FANCL: variants seen among roughly 807,000 people sequenced by gnomAD.
The protein encoded by FANCL is FA complementation group L.
Under a neutral mutation model 59.4 loss-of-function variants are expected in FANCL, and 69 were observed. The ratio of observed to expected loss-of-function variants is 1.16; its 90% CI spans 0.96 to 1.42. FANCL has a LOEUF of 1.42. FANCL is among the 40% of genes most tolerant of loss of function. The probability of loss-of-function intolerance (pLI) is 0.00; values close to 1 mark genes in which losing one functional copy is unlikely to be tolerated. For missense variants in FANCL, 519 were observed against 447.2 expected, an observed-to-expected ratio of 1.16 and a Z score of -1.45; for synonymous variants, 180 against 147.1, an observed-to-expected ratio of 1.22 and a Z score of -1.62.
At chr2:58,189,466 A>G (rs1485098771) in intron 7 of FANCL, among the ~76,000 whole-genome samples, 2 of 152,162 alleles carry the variant, frequency 1.3e-5, no homozygotes, top group African/African-American at 4.8e-5. Flanking sequence ...ACTTAAAAGA[A>G]TAAAACTGTA....
intron 7 of FANCL, among the ~76,000 whole-genome samples, chr2:58,189,957 A>C (rs1399960602): frequency 6.6e-6 from 1 of 152,034 alleles, no homozygotes. Context: ...GGGGATTCCA[A>C]AAGTATAAAT....
intron 6 of FANCL, among the ~76,000 whole-genome samples, chr2:58,202,164 G>C (rs1436940369): frequency 8.4e-6 from 1 of 119,612 alleles, no homozygotes; most frequent in Non-Finnish European, 1.7e-5. Flanking sequence ...AGTTTTTGTT[G>C]TTGTAAATTA....
intron 7 of FANCL, among the ~76,000 whole-genome samples, chr2:58,168,398 G>C (rs13417865): frequency 0.042 from 6,375 of 152,276 alleles, 157 homozygotes; most frequent in East Asian, 0.095. Context: ...ACTGTGCCAT[G>C]AGGAGTGGTG....
chr2:58,170,830 T>C (rs562666261), intron 7 of FANCL, among the ~76,000 whole-genome samples: 2 of 152,238 alleles, frequency 1.3e-5, no homozygotes, highest in East Asian at 1.9e-4. Flanking sequence ...CTAACAATCC[T>C]AAATGTATAT....
chr2:58,163,292 T>A, intron 9 of FANCL, 142 bp downstream of exon 9: 1 of 749,622 alleles, frequency 1.3e-6, no homozygotes, highest in Non-Finnish European at 2.3e-6. Flanking sequence ...TTACACTACA[T>A]ACTGGGCAAC....
At chr2:58,223,239 C>A (rs1016840728) in intron 4 of FANCL, among the ~76,000 whole-genome samples, 44 of 151,512 alleles carry the variant, frequency 2.9e-4, no homozygotes, top group African/African-American at 1.1e-3. Flanking sequence ...GTATATGCTG[C>A]CTTTTTTATA....
intron 5 of FANCL, among the ~76,000 whole-genome samples, chr2:58,220,938 C>T (rs1281719425): frequency 2.0e-5 from 3 of 152,150 alleles, no homozygotes; most frequent in East Asian, 1.9e-4. Flanking sequence ...AATTGCCGGG[C>T]GTGGTGGCTC....
At chr2:58,189,763 T>C (rs1407654798) in intron 7 of FANCL, among the ~76,000 whole-genome samples, 3 of 152,090 alleles carry the variant, frequency 2.0e-5, no homozygotes, top group African/African-American at 7.2e-5. Context: ...TACTATTATT[T>C]CCAGTATTTT....
chr2:58,199,515 T>C (rs1558785053), intron 6 of FANCL, among the ~76,000 whole-genome samples: 1 of 152,154 alleles, frequency 6.6e-6, no homozygotes, highest in East Asian at 1.9e-4. Flanking sequence ...TTCTGGCTTA[T>C]TAAGAAAAAA....
intron 5 of FANCL, among the ~76,000 whole-genome samples, chr2:58,217,209 TATATATACACACACACACAC>T (rs1377825556): frequency 3.3e-4 from 3 of 9,026 alleles, no homozygotes; most frequent in African/African-American, 1.3e-3. Flanking sequence ...TATATATATA[TATATATACACACACACACAC>T]ACACACACAC....
chr2:58,183,254 C>A (rs1688097555), intron 7 of FANCL, among the ~76,000 whole-genome samples: 3 of 151,564 alleles, frequency 2.0e-5, no homozygotes, highest in Non-Finnish European at 4.4e-5. Context: ...TATACACGAT[C>A]AAATAAAAAT....
At chr2:58,213,392 T>G (rs541342792) in intron 5 of FANCL, 5 of 152,266 alleles carry the variant, frequency 3.3e-5, no homozygotes, top group Admixed American at 2.6e-4. Flanking sequence ...AATTTAAGAG[T>G]TAAGCCATAA....
Position 58,159,491 on chromosome 2 carries a change from T to C in FANCL, c.*274A>G. The C allele has an allele frequency of 6.2e-7, 1 of 1,613,692 alleles. No individual in the cohort carries two copies. The highest frequency in any genetic ancestry group is 2.2e-5 in the East Asian group (1 of 44,850). ...CAAGATTTTACCAGTCCAGATATAT[T>C]CAAGAAGTCAAGATCTCCATCTTGG... On this transcript the variant is annotated 3_prime_UTR_variant, in exon 14 of 14. Transcript: ENST00000233741.
chr2:58,208,051 C>G (rs77548893), intron 5 of FANCL, among the ~76,000 whole-genome samples: 1 of 152,266 alleles, frequency 6.6e-6, no homozygotes, highest in East Asian at 1.9e-4. Flanking sequence ...AGACAGAGAC[C>G]ATGTCACTAA....
chr2:58,165,638 C>T, intron 8 of FANCL, 86 bp downstream of exon 8: 1 of 1,541,566 alleles, frequency 6.5e-7, no homozygotes, highest in Non-Finnish European at 8.9e-7. Flanking sequence ...ATAAAGAAGT[C>T]TGAGTCCAAC....
chr2:58,231,367 C>A (rs911538498), intron 2 of FANCL, among the ~76,000 whole-genome samples: 16 of 152,188 alleles, frequency 1.1e-4, no homozygotes, highest in African/African-American at 3.9e-4. Context: ...GTATTTCACA[C>A]CAAATATGCC....
chr2:58,193,753 G>A (rs1689162931), intron 7 of FANCL, among the ~76,000 whole-genome samples: 1 of 152,066 alleles, frequency 6.6e-6, no homozygotes, highest in Non-Finnish European at 1.5e-5. Context: ...TTATTACAGT[G>A]AAAAACTAGG....
rs1178382400 is a variant in FANCL, at chr2:58,163,012, A to G, written c.821+17T>C. ...AAAATCACCAAAAAGTAAAAATTAT[A>G]TTGCCAAGGTACCTACCACAAATGT... On this transcript the variant is annotated intron_variant, in intron 10 of 13. Coordinates refer to ENST00000233741, the MANE Select transcript of FANCL (RefSeq NM_018062.4). The G allele has an allele frequency of 6.2e-7, 1 of 1,612,680 alleles. No homozygotes were observed. The highest frequency in any genetic ancestry group is 1.3e-5 in the African/African-American group (1 of 74,850).
intron 4 of FANCL, among the ~76,000 whole-genome samples, chr2:58,222,498 C>A (rs1253556818): frequency 6.6e-6 from 1 of 152,028 alleles, no homozygotes; most frequent in Non-Finnish European, 1.5e-5. Context: ...CAAACAAACT[C>A]ATTATCAGAA....
Sources: gnomAD v4.1 joint callset for allele counts (sites outside exome capture counted in the v4.1 genomes callset) on GRCh38, gnomAD v4.1.1 for gene constraint, MANE v1.5 for transcripts, NCBI Gene and HGNC (gene_info 2026-07-23, HGNC 2026-07-21) for gene names.